Variants in FGGY observed in about 807,000 individuals in gnomAD.
The protein encoded by FGGY is FGGY carbohydrate kinase domain containing.
FGGY carries 72 observed loss-of-function variants against 71.3 expected under a neutral mutation model. That is an observed-to-expected ratio of 1.01 (90% CI 0.84 to 1.23). The LOEUF (loss-of-function observed/expected upper bound fraction) is 1.23. Ranked by LOEUF, FGGY falls within the 50% of genes most tolerant of loss-of-function variation. The pLI is 0.00. For synonymous variants in FGGY, 251 were observed against 250.3 expected (o/e 1.00, Z -0.02); for missense variants, 668 against 682.3 (o/e 0.98, Z 0.23).
chr1:59,591,458 C>G (rs1375983446), intron 8 of FGGY, among the ~76,000 whole-genome samples: 3 of 151,930 alleles, frequency 2.0e-5, no homozygotes, highest in African/African-American at 7.3e-5. Context: ...TCATATGGAA[C>G]CAAAAAAGAG....
At chr1:59,395,416 TTTTC>T (rs1487337044) in intron 5 of FGGY, among the ~76,000 whole-genome samples, 1 of 152,178 alleles carries the variant, frequency 6.6e-6, no homozygotes, top group Non-Finnish European at 1.5e-5. Flanking sequence ...CTTTGTAGCA[TTTTC>T]TTTGTTTCCC....
At chr1:59,648,684 A>T (rs1369197700) in intron 11 of FGGY, among the ~76,000 whole-genome samples, 3 of 150,662 alleles carry the variant, frequency 2.0e-5, no homozygotes, top group Admixed American at 6.6e-5. Flanking sequence ...GAAAATTTTC[A>T]CCCATTTTGT....
chr1:59,587,054 G>A (rs138338012), intron 8 of FGGY, among the ~76,000 whole-genome samples: 23 of 152,376 alleles, frequency 1.5e-4, no homozygotes, highest in African/African-American at 5.0e-4. Context: ...AGAAAGGGGT[G>A]ACAGATGGCA....
At chr1:59,604,272 AG>A (rs549079703) in intron 8 of FGGY, among the ~76,000 whole-genome samples, 51 of 152,372 alleles carry the variant, frequency 3.3e-4, no homozygotes, top group African/African-American at 1.1e-3. Context: ...TTGTTGCAAA[AG>A]ATTAAACAAC....
intron 6 of FGGY, among the ~76,000 whole-genome samples, chr1:59,497,484 A>T (rs1255764464): frequency 6.6e-6 from 1 of 152,182 alleles, no homozygotes; most frequent in Non-Finnish European, 1.5e-5. Context: ...GCTACTCAGG[A>T]GGCTGAGGCA....
At chr1:59,743,736 C>G (rs1308816701) in intron 14 of FGGY, among the ~76,000 whole-genome samples, 3 of 151,764 alleles carry the variant, frequency 2.0e-5, no homozygotes, top group Admixed American at 1.3e-4. Context: ...TAGTTGTTTT[C>G]TTTGTTTGTT....
intron 7 of FGGY, among the ~76,000 whole-genome samples, chr1:59,553,466 T>G (rs1171306732): frequency 6.6e-6 from 1 of 152,208 alleles, no homozygotes; most frequent in African/African-American, 2.4e-5. Flanking sequence ...AAGCCTGAAT[T>G]TATACCATTT....
intron 11 of FGGY, among the ~76,000 whole-genome samples, chr1:59,647,892 T>TC (rs1305612007): frequency 3.5e-5 from 3 of 86,206 alleles, no homozygotes; most frequent in Non-Finnish European, 6.7e-5. Flanking sequence ...ATGCTATCCC[T>TC]CCCCCCTCCC....
chr1:59,619,745 G>A (rs974661400), intron 9 of FGGY, among the ~76,000 whole-genome samples: 4 of 152,044 alleles, frequency 2.6e-5, no homozygotes, highest in Admixed American at 1.3e-4. Flanking sequence ...ATGAGCGGAG[G>A]AGTGATGTGA....
intron 7 of FGGY, among the ~76,000 whole-genome samples, chr1:59,519,425 G>A (rs374727589): frequency 1.6e-4 from 25 of 152,204 alleles, no homozygotes; most frequent in African/African-American, 5.1e-4. Context: ...TGCCGTGTAT[G>A]GAAGGCTTTG....
intron 8 of FGGY, among the ~76,000 whole-genome samples, chr1:59,577,933 A>G (rs984965836): frequency 6.6e-6 from 1 of 152,146 alleles, no homozygotes; most frequent in Non-Finnish European, 1.5e-5. Flanking sequence ...CACATGTAAC[A>G]GAATGTTACC....
intron 8 of FGGY, among the ~76,000 whole-genome samples, chr1:59,561,987 TA>T (rs2095799539): frequency 6.6e-6 from 1 of 152,200 alleles, no homozygotes; most frequent in African/African-American, 2.4e-5. Flanking sequence ...GATTCTCTAC[TA>T]CTCCTACTCA....
chr1:59,729,201 C>CATT (rs1223549505), intron 14 of FGGY, among the ~76,000 whole-genome samples: 1 of 151,416 alleles, frequency 6.6e-6, no homozygotes, highest in South Asian at 2.1e-4. Context: ...TTATTATTAT[C>CATT]ATTATTATTA....
intron 5 of FGGY, among the ~76,000 whole-genome samples, chr1:59,454,009 A>G (rs748769380): frequency 4.6e-5 from 7 of 152,134 alleles, no homozygotes; most frequent in Non-Finnish European, 7.4e-5. Flanking sequence ...TAAACTTACA[A>G]TGGTACCTCA....
At chr1:59,424,446 C>G (rs1331346188) in intron 5 of FGGY, among the ~76,000 whole-genome samples, 1 of 152,146 alleles carries the variant, frequency 6.6e-6, no homozygotes, top group Non-Finnish European at 1.5e-5. Flanking sequence ...ACTCGGGAAG[C>G]TGAGGCAGGA....
intron 8 of FGGY, 42 bp from the exon 9 acceptor site, chr1:59,607,761 T>G: frequency 6.6e-7 from 1 of 1,509,264 alleles, no homozygotes; most frequent in Non-Finnish European, 9.2e-7. Context: ...CCCCTACCCC[T>G]GAGAGTCAAT....
Position 59,607,446 on chromosome 1 carries a change from G to T in FGGY, c.904-357G>T, listed in dbSNP as rs146459177. The stretch of plus-strand genomic sequence containing the variant: ...CATAGATTGAAGGGGTAGGGAGATA[G>T]ACCCACATCTCAATGTGAGGAGCTG... On this transcript the variant is annotated intron_variant, in intron 8 of 15. Transcript: ENST00000303721. Among the ~76,000 whole-genome samples, 16 of 152,352 alleles carry T rather than the reference G, an allele frequency of 1.1e-4. No individual in the cohort carries two copies. In the East Asian group the frequency reaches 3.1e-3, roughly 29 times the overall value.
At chr1:59,343,587 G>T (rs1296194478) in intron 3 of FGGY, among the ~76,000 whole-genome samples, 1 of 152,148 alleles carries the variant, frequency 6.6e-6, no homozygotes, top group Non-Finnish European at 1.5e-5. Context: ...GCAGACATAT[G>T]TTGCTTAAGG....
At chr1:59,297,618 C>A (rs1417206338) in intron 1 of FGGY, among the ~76,000 whole-genome samples, 1 of 151,908 alleles carries the variant, frequency 6.6e-6, no homozygotes, top group African/African-American at 2.4e-5. Flanking sequence ...GTCAGGAGAT[C>A]GAGACCATCC....
Sources: gnomAD v4.1 joint callset for allele counts (sites outside exome capture counted in the v4.1 genomes callset) on GRCh38, gnomAD v4.1.1 for gene constraint, MANE v1.5 for transcripts, NCBI Gene and HGNC (gene_info 2026-07-23, HGNC 2026-07-21) for gene names.